The following TTC28 variants were observed in gnomAD, a reference collection of about 807,000 sequenced individuals.
The protein encoded by TTC28 is tetratricopeptide repeat protein 28.
Under a neutral mutation model 198.0 loss-of-function variants are expected in TTC28, and 61 were observed. That is an observed-to-expected ratio of 0.31 (90% CI 0.25 to 0.38). The LOEUF (loss-of-function observed/expected upper bound fraction) is 0.38, where lower values mean the gene tolerates loss of function less well. Ranked by LOEUF, TTC28 falls within the 10% of genes least tolerant of loss-of-function variation. TTC28 has a pLI of 1.00. For missense variants in TTC28, 2,678 were observed against 3,164.0 expected (o/e 0.85, Z 3.69); for synonymous variants, 1,171 against 1,297.8 (o/e 0.90, Z 2.10).
intron 5 of TTC28, among the ~76,000 whole-genome samples, chr22:28,170,214 G>A (rs1376303340): frequency 6.6e-6 from 1 of 152,122 alleles, no homozygotes; most frequent in Non-Finnish European, 1.5e-5. Context: ...TAGGCCGGGT[G>A]CGGTGGCTCA....
intron 5 of TTC28, among the ~76,000 whole-genome samples, chr22:28,186,101 C>A (rs1232378668): frequency 6.6e-6 from 1 of 152,046 alleles, no homozygotes; most frequent in East Asian, 1.9e-4. Context: ...TTGTCAAATC[C>A]TATCACAAAA....
chr22:28,527,709 C>G lies in TTC28; in HGVS notation c.381+101843G>C, dbSNP rs967363839. ...GGAGTGCAGTGGCACAAACACAGCTCACTGCAGCCTTGACCTCCTGGGATC... is the reference window on the plus strand; with the variant it reads ...GGAGTGCAGTGGCACAAACACAGCTGACTGCAGCCTTGACCTCCTGGGATC... On this transcript the variant is annotated intron_variant, in intron 2 of 22. Transcript: ENST00000397906. Among the ~76,000 whole-genome samples, 2 of 152,238 alleles carry G rather than the reference C, an allele frequency of 1.3e-5. 1 individual carries two copies. The highest frequency in any genetic ancestry group is 6.8e-3 in the Middle Eastern group (2 of 294).
intron 6 of TTC28, among the ~76,000 whole-genome samples, chr22:28,158,125 A>G (rs930706874): frequency 7.9e-5 from 12 of 152,182 alleles, no homozygotes; most frequent in African/African-American, 2.4e-4. Flanking sequence ...CCAACAGTTA[A>G]TAATCTAAAA....
intron 3 of TTC28, among the ~76,000 whole-genome samples, chr22:28,306,201 T>C (rs1321351030): frequency 1.3e-5 from 2 of 152,124 alleles, no homozygotes; most frequent in Admixed American, 1.3e-4. Context: ...TTTTAAATAA[T>C]CCCGAAAGCC....
intron 2 of TTC28, among the ~76,000 whole-genome samples, chr22:28,590,738 G>C (rs1357251724): frequency 6.6e-6 from 1 of 151,752 alleles, no homozygotes; most frequent in African/African-American, 2.4e-5. Flanking sequence ...ATTACAGACA[G>C]TGGCTCGAGC....
At chr22:28,391,214 G>A (rs187216388) in intron 2 of TTC28, among the ~76,000 whole-genome samples, 3 of 152,340 alleles carry the variant, frequency 2.0e-5, no homozygotes, top group African/African-American at 7.2e-5. Context: ...GACATCAGCT[G>A]TTAGTCTGAT....
intron 6 of TTC28, among the ~76,000 whole-genome samples, chr22:28,109,079 A>C (rs1942409131): frequency 6.6e-6 from 1 of 152,242 alleles, no homozygotes; most frequent in African/African-American, 2.4e-5. Flanking sequence ...TGACCCAGCA[A>C]TCTTACTCGA....
intron 6 of TTC28, among the ~76,000 whole-genome samples, chr22:28,125,910 G>C (rs923936136): frequency 1.3e-5 from 2 of 152,048 alleles, no homozygotes; most frequent in African/African-American, 4.8e-5. Context: ...GCATAAAGTA[G>C]GTGAAAAAAA....
At chr22:28,574,399 C>T (rs986972715) in intron 2 of TTC28, among the ~76,000 whole-genome samples, 1 of 151,676 alleles carries the variant, frequency 6.6e-6, no homozygotes, top group African/African-American at 2.4e-5. Context: ...TGTGTGTGTT[C>T]CACATTTTCT....
intron 2 of TTC28, among the ~76,000 whole-genome samples, chr22:28,451,365 C>A (rs1397594778): frequency 6.6e-6 from 1 of 152,156 alleles, no homozygotes; most frequent in Non-Finnish European, 1.5e-5. Flanking sequence ...TTAAAAAGTG[C>A]AACACTCTTT....
chr22:28,243,174 C>CAAAAAAAAAAAAAAAAAAAAAAAAAAA (rs754700795), intron 5 of TTC28, among the ~76,000 whole-genome samples: 7 of 68,330 alleles, frequency 1.0e-4, no homozygotes, highest in Admixed American at 2.0e-4. Context: ...CCCCTCTCTA[C>CAAAAAAAAAAAAAAAAAAAAAAAAAAA]AAAAAAAAAA....
At position 28,659,112 on chromosome 22, in the gene TTC28, G is replaced by C. The variant is rs1485306190; in HGVS notation, c.102+20510C>G. ...AGTGGGCCCTCACCAGAAGCAAACT[G>C]ACTGGCACCTTGACGTTGAACTTCC... On this transcript the variant is annotated intron_variant, in intron 1 of 22. Transcript: ENST00000397906. Among the ~76,000 whole-genome samples the C allele has an allele frequency of 4.6e-5, 7 of 152,338 alleles. No individual in the cohort carries two copies. The South Asian group carries it at 1.0e-3, about 23-fold the overall frequency.
At chr22:28,540,476 A>T (rs2145930074) in intron 2 of TTC28, among the ~76,000 whole-genome samples, 1 of 152,326 alleles carries the variant, frequency 6.6e-6, no homozygotes, top group Admixed American at 6.5e-5. Flanking sequence ...ATGAGGTCCT[A>T]TGCAAACTCA....
In TTC28 at chr22:28,001,535, C is replaced by T. The variant is rs374539679; in HGVS notation, c.4237G>A (p.Gly1413Ser). The T allele has an allele frequency of 1.8e-4, 278 of 1,550,836 alleles. No individual in the cohort carries two copies. Among genetic ancestry groups the T allele is most frequent in the Non-Finnish European group, 2.1e-4 (246 of 1,146,828 alleles). ...PMEGGLMHSS[G>S]PVGRHRQLIL... is the part of the protein sequence containing the mutation. Reference sequence around the variant, plus strand: ...AGCTGCCGGTGCCGGCCCACGGGGCCGCTGGAGTGCATCAGGCCCTATGGA... The same window carrying T: ...AGCTGCCGGTGCCGGCCCACGGGGCTGCTGGAGTGCATCAGGCCCTATGGA... Residue 1413 changes from glycine to serine, a missense_variant, in exon 15 of 23, where the codon GGC (glycine) becomes AGC (serine). This residue lies in a region of TTC28 where 727 missense variants were observed against 861.9 expected (regional missense o/e 0.84). Coordinates refer to ENST00000397906, the MANE Select transcript of TTC28 (RefSeq NM_001145418.2).
chr22:27,983,043 C>T lies in TTC28; in HGVS notation c.6624G>A (p.Ala2208=), dbSNP rs745425991. Residue 2208 remains alanine (A), a synonymous_variant, in exon 23 of 23, where the codon GCG becomes GCA. Transcript: ENST00000397906. ...GCCTGCTGAACGCACTGGTTTCTGA[C>T]GCTCTGAAGACAGCAGTGCTGCTGG... ...QAPSSTAVFR[A]SETSAFSRPV... 37 of 1,551,588 alleles carry T rather than the reference C, an allele frequency of 2.4e-5. No homozygotes were observed. The highest frequency in any genetic ancestry group is 2.8e-5 in the Non-Finnish European group (32 of 1,147,002).
intron 13 of TTC28, chr22:28,028,691 C>T (rs911512600): frequency 1.6e-5 from 4 of 247,350 alleles, no homozygotes; most frequent in Non-Finnish European, 3.2e-5. Context: ...GACGTCTCAT[C>T]CCTTCCAAAG....
At chr22:28,080,832 G>T (rs1941322499) in intron 12 of TTC28, among the ~76,000 whole-genome samples, 1 of 151,854 alleles carries the variant, frequency 6.6e-6, no homozygotes, top group African/African-American at 2.4e-5. Context: ...TTACGTTTAG[G>T]TCTCTAATCC....
chr22:28,472,571 T>C (rs1020677281), intron 2 of TTC28, among the ~76,000 whole-genome samples: 3 of 151,722 alleles, frequency 2.0e-5, no homozygotes, highest in Non-Finnish European at 2.9e-5. Context: ...TGTGTGTGTG[T>C]GTGTGTGTGT....
chr22:28,424,157 C>G lies in TTC28; in HGVS notation c.382-117514G>C, dbSNP rs146466237. ...AGAAATTGTATATATTTAGGGTATACAACTTGATGTTTTGATATACAAATT... is the reference window on the plus strand; with the variant it reads ...AGAAATTGTATATATTTAGGGTATAGAACTTGATGTTTTGATATACAAATT... On this transcript the variant is annotated intron_variant, in intron 2 of 22. Transcript: ENST00000397906. Among the ~76,000 whole-genome samples the G allele has an allele frequency of 4.3e-3, 657 of 152,258 alleles. 4 individuals are homozygous for G. The highest frequency in any genetic ancestry group is 0.014 in the African/African-American group (575 of 41,554).
Sources: gnomAD v4.1 joint callset for allele counts (sites outside exome capture counted in the v4.1 genomes callset) on GRCh38, gnomAD v4.1.1 for gene constraint, gnomAD v4.1.1 regional missense constraint, MANE v1.5 for transcripts, NCBI Gene and HGNC (gene_info 2026-07-23, HGNC 2026-07-21) for gene names.